Variants in DGKB observed in about 807,000 individuals in gnomAD.
DGKB encodes the protein 90 kDa diacylglycerol kinase.
DGKB carries 67 observed loss-of-function variants against 114.3 expected under a neutral mutation model. The observed-to-expected ratio is 0.59, with a 90% CI of 0.48 to 0.72. The LOEUF (loss-of-function observed/expected upper bound fraction) is 0.72. Among genes scored for constraint, DGKB ranks in the 30% least tolerant of loss-of-function variants. DGKB has a pLI of 0.00. For synonymous variants in DGKB, 398 were observed against 323.1 expected, an observed-to-expected ratio of 1.23 and a Z score of -2.49; for missense variants, 907 against 975.2, an observed-to-expected ratio of 0.93 and a Z score of 0.93.
intron 23 of DGKB, among the ~76,000 whole-genome samples, chr7:14,263,597 C>A (rs765653282): frequency 2.0e-5 from 3 of 152,148 alleles, no homozygotes; most frequent in Admixed American, 6.5e-5. Context: ...AAAAATCTCC[C>A]TAATTTATGG....
At chr7:14,695,270 A>T (rs1263410305) in intron 8 of DGKB, among the ~76,000 whole-genome samples, 1 of 152,084 alleles carries the variant, frequency 6.6e-6, no homozygotes, top group African/African-American at 2.4e-5. Flanking sequence ...GAAATAAAAC[A>T]ATGACATTTG....
intron 4 of DGKB, among the ~76,000 whole-genome samples, chr7:14,747,775 G>GCGCGCGCGCGCGCGCACACACACACACA: frequency 2.1e-4 from 31 of 149,176 alleles, no homozygotes; most frequent in African/African-American, 6.8e-4. Flanking sequence ...ACATCCACGC[G>GCGCGCGCGCGCGCGCACACACACACACA]CACGCACACA....
chr7:14,301,577 T>G (rs1403465933), intron 23 of DGKB, among the ~76,000 whole-genome samples: 1 of 152,120 alleles, frequency 6.6e-6, no homozygotes, highest in Non-Finnish European at 1.5e-5. Flanking sequence ...TGTTACTTAT[T>G]GTAATAAGAA....
intron 23 of DGKB, among the ~76,000 whole-genome samples, chr7:14,285,738 A>G (rs1305349793): frequency 6.6e-6 from 1 of 152,176 alleles, no homozygotes; most frequent in African/African-American, 2.4e-5. Context: ...ACATCTATGT[A>G]TGTAGGAAGA....
chr7:14,855,767 G>C (rs1026755618), intron 1 of DGKB, among the ~76,000 whole-genome samples: 3 of 152,002 alleles, frequency 2.0e-5, no homozygotes, highest in Admixed American at 2.0e-4. Flanking sequence ...CACCTTATTT[G>C]ATGTGGATTA....
intron 23 of DGKB, among the ~76,000 whole-genome samples, chr7:14,207,991 A>G (rs10253943): frequency 0.46 from 70,082 of 151,870 alleles, 19,082 homozygotes; most frequent in African/African-American, 0.76. Context: ...GTTTGTTTGT[A>G]AAGCTCTACT....
At chr7:14,839,441 G>C (rs1367969577) in intron 2 of DGKB, among the ~76,000 whole-genome samples, 10 of 128,980 alleles carry the variant, frequency 7.8e-5, no homozygotes, top group African/African-American at 3.0e-4. Context: ...GGGTCTGGCT[G>C]TCAGCCATGG....
At chr7:14,941,997 G>T (rs941969556) in intron 1 of DGKB, among the ~76,000 whole-genome samples, 16 of 151,926 alleles carry the variant, frequency 1.1e-4, no homozygotes, top group Non-Finnish European at 1.6e-4. Context: ...CTTTGCAACC[G>T]AATGAAAGTC....
chr7:14,734,469 A>G (rs1012369223), intron 5 of DGKB, among the ~76,000 whole-genome samples: 3 of 152,122 alleles, frequency 2.0e-5, no homozygotes, highest in Non-Finnish European at 4.4e-5. Context: ...TAACGGTATT[A>G]AGATATTATT....
chr7:14,701,087 A>G (rs1446738347), intron 7 of DGKB, among the ~76,000 whole-genome samples: 2 of 143,580 alleles, frequency 1.4e-5, no homozygotes, highest in Admixed American at 1.5e-4. Flanking sequence ...CCCTTCAGTT[A>G]ATCATATAAA....
intron 23 of DGKB, among the ~76,000 whole-genome samples, chr7:14,202,079 A>C (rs1361098517): frequency 6.6e-6 from 1 of 152,044 alleles, no homozygotes; most frequent in Non-Finnish European, 1.5e-5. Context: ...ATTTCTTTTG[A>C]TAAAGGTAAC....
At chr7:14,489,881 C>T (rs1413414652) in intron 20 of DGKB, among the ~76,000 whole-genome samples, 1 of 152,060 alleles carries the variant, frequency 6.6e-6, no homozygotes, top group Admixed American at 6.6e-5. Flanking sequence ...GGATATAAGC[C>T]TGCAATTGAG....
chr7:14,570,757 G>C (rs1798263301), intron 20 of DGKB, among the ~76,000 whole-genome samples: 1 of 152,020 alleles, frequency 6.6e-6, no homozygotes, highest in South Asian at 2.1e-4. Flanking sequence ...TGCTCTCCCA[G>C]AGGTGGCAGA....
intron 23 of DGKB, among the ~76,000 whole-genome samples, chr7:14,334,766 T>C (rs1404053763): frequency 2.6e-5 from 4 of 152,124 alleles, no homozygotes; most frequent in Admixed American, 6.5e-5. Context: ...ATTAGACATC[T>C]TTCTGAGTTT....
At chr7:14,221,149 C>T (rs925702698) in intron 23 of DGKB, among the ~76,000 whole-genome samples, 3 of 151,158 alleles carry the variant, frequency 2.0e-5, no homozygotes, top group African/African-American at 7.3e-5. Flanking sequence ...CAATCTGATG[C>T]CTTTTATTTA....
At chr7:14,553,851 T>TGC (rs1795464331) in intron 20 of DGKB, among the ~76,000 whole-genome samples, 1 of 149,210 alleles carries the variant, frequency 6.7e-6, no homozygotes, top group Non-Finnish European at 1.5e-5. Flanking sequence ...TATATTTGTG[T>TGC]GCTCCTTTAC....
chr7:14,323,732 G>A (rs1383373757), intron 23 of DGKB, among the ~76,000 whole-genome samples: 1 of 152,208 alleles, frequency 6.6e-6, no homozygotes, highest in Admixed American at 6.5e-5. Flanking sequence ...TGAGTAGAGT[G>A]AGAAGAGTTG....
chr7:14,268,389 T>C (rs1019255150), intron 23 of DGKB, among the ~76,000 whole-genome samples: 2 of 152,084 alleles, frequency 1.3e-5, no homozygotes, highest in African/African-American at 2.4e-5. Flanking sequence ...AAACATGGAA[T>C]GAAAAACAAC....
intron 23 of DGKB, among the ~76,000 whole-genome samples, chr7:14,197,493 T>A (rs1172227547): frequency 6.6e-6 from 1 of 152,112 alleles, no homozygotes. Flanking sequence ...CAGTGCCTTG[T>A]TGGCTAAAGG....
Sources: allele counts gnomAD v4.1 joint callset (sites outside exome capture counted in the v4.1 genomes callset), GRCh38; gene constraint gnomAD v4.1.1; transcripts MANE v1.5; gene names NCBI Gene and HGNC (gene_info 2026-07-23, HGNC 2026-07-21).